The following AUTS2 variants were observed in gnomAD, a reference collection of about 807,000 sequenced individuals.
The protein encoded by AUTS2 is activator of transcription and developmental regulator AUTS2, also known as autism susceptibility gene 2 protein.
A neutral mutation model predicts 112.4 loss-of-function variants in AUTS2; 17 were observed. That is an observed-to-expected ratio of 0.15 (90% CI 0.10 to 0.23). The LOEUF is 0.23. Ranked by LOEUF, AUTS2 falls within the 10% of genes least tolerant of loss-of-function variation. The pLI, the probability that AUTS2 is intolerant of heterozygous loss-of-function variation, is 1.00. For synonymous variants in AUTS2, 751 were observed against 702.7 expected, an observed-to-expected ratio of 1.07 and a Z score of -1.09; for missense variants, 1,510 against 1,701.6, an observed-to-expected ratio of 0.89 and a Z score of 1.98.
intron 1 of AUTS2, among the ~76,000 whole-genome samples, chr7:69,638,754 G>A (rs1381631341): frequency 1.3e-5 from 2 of 152,070 alleles, no homozygotes; most frequent in Non-Finnish European, 2.9e-5. Flanking sequence ...CTTCTTATCT[G>A]TAGATCCCAA....
In AUTS2 at chr7:69,800,741, A is replaced by C. The variant is rs977429208; in HGVS notation, c.310-98545A>C. 2.6e-5 allele frequency among the ~76,000 whole-genome samples: 4 copies of C among 152,248 alleles called. No homozygotes were observed. The South Asian group carries it at 6.2e-4, about 24-fold the overall frequency. On this transcript the variant is annotated intron_variant, in intron 1 of 18. Transcript: ENST00000342771. Reference sequence around the variant, plus strand: ...CAAGTACTATGAGTCAGAAGGCCACATGTGACTAGGTCCCTGCCCACCTCT... The same window carrying C: ...CAAGTACTATGAGTCAGAAGGCCACCTGTGACTAGGTCCCTGCCCACCTCT...
intron 2 of AUTS2, among the ~76,000 whole-genome samples, chr7:69,954,250 TAAC>T (rs1280127833): frequency 4.6e-5 from 7 of 152,164 alleles, no homozygotes; most frequent in African/African-American, 1.7e-4. Context: ...TGACTATAGT[TAAC>T]AATATTATAT....
At chr7:69,774,516 C>T (rs1434855710) in intron 1 of AUTS2, among the ~76,000 whole-genome samples, 2 of 152,172 alleles carry the variant, frequency 1.3e-5, no homozygotes, top group South Asian at 2.1e-4. Context: ...TGAGATGAAT[C>T]GGATGTTGGA....
At chr7:70,574,282 A>T (rs913069527) in intron 5 of AUTS2, among the ~76,000 whole-genome samples, 38 of 152,242 alleles carry the variant, frequency 2.5e-4, no homozygotes, top group African/African-American at 8.7e-4. Context: ...GGTCTTTTTT[A>T]AAAAAAGCAT....
intron 5 of AUTS2, among the ~76,000 whole-genome samples, chr7:70,580,774 C>G (rs938138408): frequency 6.6e-6 from 1 of 152,112 alleles, no homozygotes; most frequent in Non-Finnish European, 1.5e-5. Context: ...GTGTCTAGGC[C>G]CAGAACAGGA....
chr7:69,784,241 G>A (rs960478281), intron 1 of AUTS2, among the ~76,000 whole-genome samples: 3 of 152,234 alleles, frequency 2.0e-5, no homozygotes, highest in Non-Finnish European at 1.5e-5. Flanking sequence ...ATGGATGGGT[G>A]AAGTCCCAAT....
intron 6 of AUTS2, among the ~76,000 whole-genome samples, chr7:70,699,817 C>T (rs1156474318): frequency 6.6e-6 from 1 of 152,130 alleles, no homozygotes; most frequent in Non-Finnish European, 1.5e-5. Flanking sequence ...TCATAGCATA[C>T]AGTACTCGTG....
rs181567506 is a variant in AUTS2, at chr7:70,374,047, T to G, written c.661-61705T>G. ...CTAAAATGCAGTGTTAGTTTATAATTTTTATCCATTTTAGACAGGCAAGTT... is the reference window on the plus strand; with the variant it reads ...CTAAAATGCAGTGTTAGTTTATAATGTTTATCCATTTTAGACAGGCAAGTT... On this transcript the variant is annotated intron_variant, in intron 4 of 18. Transcript: ENST00000342771. Among the ~76,000 whole-genome samples, 402 of 152,322 alleles carry G rather than the reference T, an allele frequency of 2.6e-3. 1 individual carries two copies. The highest frequency in any genetic ancestry group is 9.0e-3 in the African/African-American group (374 of 41,560).
intron 6 of AUTS2, among the ~76,000 whole-genome samples, chr7:70,719,723 A>G (rs1483625064): frequency 6.6e-6 from 1 of 152,062 alleles, no homozygotes; most frequent in African/African-American, 2.4e-5. Context: ...CAGCCTCCCA[A>G]AGTGCTGCGA....
At chr7:70,037,007 T>G (rs752803043) in intron 2 of AUTS2, among the ~76,000 whole-genome samples, 6 of 152,144 alleles carry the variant, frequency 3.9e-5, no homozygotes, top group Non-Finnish European at 8.8e-5. Flanking sequence ...ATTTGACAGG[T>G]GTTTTAAAAA....
chr7:70,146,043 C>T (rs1365261142), intron 4 of AUTS2, among the ~76,000 whole-genome samples: 1 of 152,078 alleles, frequency 6.6e-6, no homozygotes, highest in African/African-American at 2.4e-5. Context: ...AGGATAAAAT[C>T]AATGCAAAGC....
At chr7:70,751,669 A>C (rs1788862625) in intron 6 of AUTS2, among the ~76,000 whole-genome samples, 1 of 152,136 alleles carries the variant, frequency 6.6e-6, no homozygotes, top group Admixed American at 6.5e-5. Context: ...TTGCCTTGTT[A>C]GGACCTCCTA....
At chr7:70,338,586 CCCAGAAGAAAT>C (rs1173586472) in intron 4 of AUTS2, among the ~76,000 whole-genome samples, 1 of 152,066 alleles carries the variant, frequency 6.6e-6, no homozygotes, top group Non-Finnish European at 1.5e-5. Flanking sequence ...CCAGTTAAAG[CCCAGAAGAAAT>C]TCAATGATAA....
intron 5 of AUTS2, among the ~76,000 whole-genome samples, chr7:70,548,125 C>A (rs1800863437): frequency 6.6e-6 from 1 of 152,096 alleles, no homozygotes; most frequent in Non-Finnish European, 1.5e-5. Flanking sequence ...ATTTTCATAT[C>A]ACCTTGTCGA....
intron 1 of AUTS2, among the ~76,000 whole-genome samples, chr7:69,791,387 C>T (rs1019526798): frequency 6.6e-6 from 1 of 152,162 alleles, no homozygotes; most frequent in Admixed American, 6.5e-5. Flanking sequence ...AATTGAAAAA[C>T]ATGAGATTAA....
intron 4 of AUTS2, among the ~76,000 whole-genome samples, chr7:70,349,084 C>T (rs1263321671): frequency 6.6e-6 from 1 of 152,208 alleles, no homozygotes; most frequent in Non-Finnish European, 1.5e-5. Flanking sequence ...GTAGACACTA[C>T]TACTACTATC....
At chr7:70,239,634 C>T (rs1244100135) in intron 4 of AUTS2, among the ~76,000 whole-genome samples, 1 of 152,080 alleles carries the variant, frequency 6.6e-6, no homozygotes, top group Admixed American at 6.6e-5. Flanking sequence ...AGGGTTTCCC[C>T]ATGTTGGCCA....
intron 18 of AUTS2, among the ~76,000 whole-genome samples, chr7:70,789,227 G>T (rs1791714915): frequency 6.6e-6 from 1 of 152,144 alleles, no homozygotes. Flanking sequence ...TCTGAAACTG[G>T]TCACTTGTCC....
intron 4 of AUTS2, among the ~76,000 whole-genome samples, chr7:70,428,312 A>G (rs1795514991): frequency 6.6e-6 from 1 of 152,232 alleles, no homozygotes; most frequent in Non-Finnish European, 1.5e-5. Context: ...CATATGTGGC[A>G]CAAAATGGCG....
Sources: gnomAD v4.1 joint callset for allele counts (sites outside exome capture counted in the v4.1 genomes callset) on GRCh38, gnomAD v4.1.1 for gene constraint, MANE v1.5 for transcripts, NCBI Gene and HGNC (gene_info 2026-07-23, HGNC 2026-07-21) for gene names.